Variants in RBFOX1 observed in about 807,000 individuals in gnomAD.
RBFOX1 encodes the protein RNA binding protein fox-1 homolog 1.
A neutral mutation model predicts 57.7 loss-of-function variants in RBFOX1; 8 were observed. The observed-to-expected ratio is 0.14, with a 90% CI of 0.08 to 0.25. RBFOX1 has a LOEUF of 0.25. Among genes scored for constraint, RBFOX1 ranks in the 10% least tolerant of loss-of-function variants. RBFOX1 has a pLI of 1.00. For missense variants in RBFOX1, 611 were observed against 548.5 expected, an observed-to-expected ratio of 1.11 and a Z score of -1.14; for synonymous variants, 326 against 222.4, an observed-to-expected ratio of 1.47 and a Z score of -4.15.
intron 4 of RBFOX1, among the ~76,000 whole-genome samples, chr16:5,937,429 C>T (rs984127506): frequency 1.3e-5 from 2 of 152,056 alleles, no homozygotes; most frequent in African/African-American, 4.8e-5. Context: ...TCTAGTGACA[C>T]ACGTTTATTT....
At chr16:5,388,468 A>G (rs967983471) in intron 1 of RBFOX1, among the ~76,000 whole-genome samples, 1 of 152,172 alleles carries the variant, frequency 6.6e-6, no homozygotes, top group Non-Finnish European at 1.5e-5. Flanking sequence ...CTTTAAACAC[A>G]TGAAAATGAT....
intron 4 of RBFOX1, among the ~76,000 whole-genome samples, chr16:7,186,958 G>C (rs1189894421): frequency 3.1e-5 from 4 of 128,086 alleles, no homozygotes; most frequent in Non-Finnish European, 6.2e-5. Flanking sequence ...GGGAGTTTGA[G>C]ACCAGCCTGG....
chr16:6,017,056 C>G (rs1324337964), upstream of RBFOX1, among the ~76,000 whole-genome samples: 1 of 152,164 alleles, frequency 6.6e-6, no homozygotes, highest in Non-Finnish European at 1.5e-5. Flanking sequence ...TCAGAGCAGA[C>G]TCAAGCTGAA....
chr16:5,328,504 C>T lies in RBFOX1; in HGVS notation c.219+88399C>T, dbSNP rs188855336. On this transcript the variant is annotated intron_variant, in intron 1 of 2. Transcript: ENST00000585867. ...CCCTAGCAAACTGATGGAATGCCTTCAAGAATAACTCAGCCTCGATGACAA... is the reference window on the plus strand; with the variant it reads ...CCCTAGCAAACTGATGGAATGCCTTTAAGAATAACTCAGCCTCGATGACAA... Among the ~76,000 whole-genome samples the T allele has an allele frequency of 1.6e-4, 24 of 152,356 alleles. 1 individual carries two copies. The highest frequency in any genetic ancestry group is 1.4e-3 in the Admixed American group (21 of 15,308).
chr16:6,648,136 C>A (rs1345335811), intron 2 of RBFOX1, among the ~76,000 whole-genome samples: 3 of 151,348 alleles, frequency 2.0e-5, no homozygotes, highest in Admixed American at 2.0e-4. Flanking sequence ...AGCCACTGCA[C>A]CCGGCTTCAA....
At chr16:5,993,655 A>G (rs966480566) in intron 4 of RBFOX1, among the ~76,000 whole-genome samples, 15 of 152,146 alleles carry the variant, frequency 9.9e-5, no homozygotes, top group African/African-American at 2.9e-4. Flanking sequence ...AAGGAGCCAT[A>G]ATCAAGATTA....
At chr16:6,325,825 C>T (rs2082309015) in intron 2 of RBFOX1, among the ~76,000 whole-genome samples, 1 of 152,104 alleles carries the variant, frequency 6.6e-6, no homozygotes, top group Admixed American at 6.5e-5. Context: ...TTTTATTTTC[C>T]TAAAATATAT....
At chr16:7,666,252 G>A (rs1406434605) in intron 13 of RBFOX1, among the ~76,000 whole-genome samples, 3 of 152,166 alleles carry the variant, frequency 2.0e-5, no homozygotes, top group Non-Finnish European at 2.9e-5. Context: ...GATTATTGCA[G>A]ATGGGAGGAG....
At position 6,595,495 on chromosome 16, in the gene RBFOX1, A is replaced by G. The variant is rs144293882; in HGVS notation, c.-63-59108A>G. On this transcript the variant is annotated intron_variant, in intron 2 of 15. Coordinates refer to ENST00000550418, the MANE Select transcript of RBFOX1 (RefSeq NM_018723.4). ...TTTGGATTGTTTCCACTTTTCAGCT[A>G]TTAGAAACAATGCTTCTATGAACAT... Among the ~76,000 whole-genome samples, 535 of 152,308 alleles carry G rather than the reference A, an allele frequency of 3.5e-3. 1 individual carries two copies. The highest frequency in any genetic ancestry group is 6.1e-3 in the Non-Finnish European group (418 of 68,032).
At chr16:5,737,670 A>C (rs2151580981) in intron 3 of RBFOX1, among the ~76,000 whole-genome samples, 1 of 151,982 alleles carries the variant, frequency 6.6e-6, no homozygotes, top group South Asian at 2.1e-4. Context: ...CTTCCTTTGC[A>C]CTGTCTCCGT....
At chr16:6,720,710 C>G (rs1414031260) in intron 3 of RBFOX1, among the ~76,000 whole-genome samples, 1 of 152,164 alleles carries the variant, frequency 6.6e-6, no homozygotes, top group Non-Finnish European at 1.5e-5. Flanking sequence ...GGTGGGTCAG[C>G]TGGGACACAC....
At chr16:6,677,582 A>G (rs1282257166) in intron 3 of RBFOX1, among the ~76,000 whole-genome samples, 1 of 152,238 alleles carries the variant, frequency 6.6e-6, no homozygotes, top group African/African-American at 2.4e-5. Context: ...ATGACTCAGC[A>G]GTTCATTAGA....
intron 2 of RBFOX1, among the ~76,000 whole-genome samples, chr16:6,393,298 G>C (rs915862374): frequency 2.6e-4 from 39 of 152,188 alleles, no homozygotes; most frequent in African/African-American, 9.2e-4. Context: ...TGAGTATAGG[G>C]AATGGGGATG....
At chr16:7,242,328 T>C (rs1163655419) in intron 4 of RBFOX1, among the ~76,000 whole-genome samples, 1 of 152,130 alleles carries the variant, frequency 6.6e-6, no homozygotes, top group East Asian at 1.9e-4. Context: ...TGACATATCA[T>C]CATTGGAAAG....
chr16:6,513,964 A>T (rs902078438), intron 2 of RBFOX1, among the ~76,000 whole-genome samples: 4 of 152,138 alleles, frequency 2.6e-5, no homozygotes, highest in Admixed American at 2.0e-4. Flanking sequence ...GAAAATAAAG[A>T]TGGAGGAGGC....
chr16:6,868,257 A>C (rs1269755187), intron 3 of RBFOX1, among the ~76,000 whole-genome samples: 2 of 152,146 alleles, frequency 1.3e-5, no homozygotes, highest in Non-Finnish European at 2.9e-5. Context: ...GCAGCAGTGG[A>C]CACAGGAAGT....
chr16:5,372,522 G>A (rs544905290), intron 1 of RBFOX1, among the ~76,000 whole-genome samples: 4 of 152,322 alleles, frequency 2.6e-5, no homozygotes, highest in African/African-American at 4.8e-5. Flanking sequence ...ATTCCTCCAC[G>A]TGTGGCACAC....
chr16:6,187,448 G>A (rs567550777), intron 1 of RBFOX1, among the ~76,000 whole-genome samples: 46 of 152,210 alleles, frequency 3.0e-4, no homozygotes, highest in African/African-American at 1.0e-3. Context: ...GAATTTAGGC[G>A]GAAGTCAGAC....
At chr16:6,480,302 C>T (rs1439962272) in intron 2 of RBFOX1, among the ~76,000 whole-genome samples, 1 of 152,088 alleles carries the variant, frequency 6.6e-6, no homozygotes, top group Non-Finnish European at 1.5e-5. Flanking sequence ...ATGTTATATG[C>T]ATGTAAAGGG....
Sources: allele counts gnomAD v4.1 joint callset (sites outside exome capture counted in the v4.1 genomes callset), GRCh38; gene constraint gnomAD v4.1.1; transcripts MANE v1.5; gene names NCBI Gene and HGNC (gene_info 2026-07-23, HGNC 2026-07-21).